SLC24A4: variants seen among roughly 807,000 people sequenced by gnomAD.
SLC24A4 encodes solute carrier family 24 member 4, also known as sodium/potassium/calcium exchanger 4.
A neutral mutation model predicts 79.0 loss-of-function variants in SLC24A4; 53 were observed. The ratio of observed to expected loss-of-function variants is 0.67; its 90% CI spans 0.54 to 0.84. SLC24A4 has a LOEUF of 0.84. Among genes scored for constraint, SLC24A4 ranks in the 40% least tolerant of loss-of-function variants. The pLI is 0.00. For missense variants in SLC24A4, 731 were observed against 822.0 expected (o/e 0.89, Z 1.35); for synonymous variants, 323 against 323.8 (o/e 1.00, Z 0.03).
chr14:92,460,827 A>G lies in SLC24A4; in HGVS notation c.1255+4219A>G, dbSNP rs1893756718. ...GCTCCCTCCTCGCTGACCCCAGATGACGGGTCGCTGGGATTGCCGGGGTGG... is the reference window on the plus strand; with the variant it reads ...GCTCCCTCCTCGCTGACCCCAGATGGCGGGTCGCTGGGATTGCCGGGGTGG... On this transcript the variant is annotated intron_variant, in intron 12 of 16. Transcript: ENST00000532405. Among the ~76,000 whole-genome samples, 5 of 152,200 alleles carry G rather than the reference A, an allele frequency of 3.3e-5. No homozygotes were observed. The South Asian group carries it at 1.0e-3, about 31-fold the overall frequency.
intron 2 of SLC24A4, among the ~76,000 whole-genome samples, chr14:92,396,022 C>T (rs1889753457): frequency 6.6e-6 from 1 of 152,146 alleles, no homozygotes; most frequent in South Asian, 2.1e-4. Context: ...AACAGGGTTT[C>T]ACCCTGTTGG....
intron 2 of SLC24A4, among the ~76,000 whole-genome samples, chr14:92,426,674 T>C (rs916463440): frequency 1.3e-5 from 2 of 152,176 alleles, no homozygotes; most frequent in East Asian, 3.8e-4. Flanking sequence ...ACAAGGGTGA[T>C]GGTAGAAAAT....
chr14:92,421,334 C>T (rs1891268435), intron 2 of SLC24A4, among the ~76,000 whole-genome samples: 1 of 152,106 alleles, frequency 6.6e-6, no homozygotes, highest in Non-Finnish European at 1.5e-5. Flanking sequence ...AGATCTAGGG[C>T]ATTTTCATCA....
rs75168849 is a variant in SLC24A4 at position 92,329,942 on chromosome 14, C to G, written c.241+3964C>G. Among the ~76,000 whole-genome samples the G allele has an allele frequency of 5.1e-3, 781 of 152,354 alleles. 40 individuals are homozygous for G. In the East Asian group the frequency reaches 0.087, roughly 17 times the overall value. ...AATCCTGGCTGCATATTAAGATCAC[C>G]TCAAGAGCTTTATAGGAATCTTTTG... On this transcript the variant is annotated intron_variant, in intron 2 of 16. Transcript: ENST00000532405.
chr14:92,323,660 A>G lies in SLC24A4; in HGVS notation c.-171A>G. 1 of 773,568 alleles carries G rather than the reference A, an allele frequency of 1.3e-6. No individual in the cohort carries two copies. Among genetic ancestry groups the G allele is most frequent in the Non-Finnish European group, 1.9e-6 (1 of 525,674 alleles). 47.9% of individuals were successfully genotyped at this position (773,568 alleles called of 1,614,324 possible). The stretch of plus-strand genomic sequence containing the variant: ...CCGCGTCGCGCGTCCCCACCTTCCC[A>G]AGGGGCTCCCCCGCCGACCTCGCCC... On this transcript the variant is annotated 5_prime_UTR_variant, in exon 1 of 17. Transcript: ENST00000532405. The surrounding 1 kb of genome is among the most constrained non-coding windows in gnomAD (Gnocchi z 4.9).
At chr14:92,377,714 T>A (rs1888597830) in intron 2 of SLC24A4, among the ~76,000 whole-genome samples, 1 of 151,644 alleles carries the variant, frequency 6.6e-6, no homozygotes, top group East Asian at 1.9e-4. Context: ...GGAAGACGGA[T>A]CTGAATGTGC....
intron 2 of SLC24A4, among the ~76,000 whole-genome samples, chr14:92,372,462 G>T (rs1233314180): frequency 6.6e-6 from 1 of 152,136 alleles, no homozygotes; most frequent in African/African-American, 2.4e-5. Context: ...GGGTGTGGTG[G>T]GTGTGTGCTC....
At position 92,449,218 on chromosome 14, in the gene SLC24A4, T is replaced by C; in HGVS notation, c.880+2T>C. 1 of 1,613,464 alleles carries C rather than the reference T, an allele frequency of 6.2e-7. No homozygotes were observed. The highest frequency in any genetic ancestry group is 1.3e-5 in the African/African-American group (1 of 74,820). Reference sequence around the variant, plus strand: ...CTTCCGTGCCATTGCTGGGGCAAGGTAAGGCTGAGCAGACAGGAGTGGGCA... The same window carrying C: ...CTTCCGTGCCATTGCTGGGGCAAGGCAAGGCTGAGCAGACAGGAGTGGGCA... On this transcript the variant is annotated splice_donor_variant, in intron 10 of 16. Transcript: ENST00000532405. LOFTEE classifies it high-confidence loss of function.
In SLC24A4 at chr14:92,490,291, G is replaced by C. The variant is rs974160278; in HGVS notation, c.1538-1374G>C. Among the ~76,000 whole-genome samples, 1 of 152,208 alleles carries C rather than the reference G, an allele frequency of 6.6e-6. No individual in the cohort carries two copies. Among genetic ancestry groups the C allele is most frequent in the South Asian group, 2.1e-4 (1 of 4,832 alleles). The stretch of plus-strand genomic sequence containing the variant: ...TGTGGAAGTATGGCTCAGTGGCCGG[G>C]TTAGGGCAGATTCCAGCCAGTACGA... On this transcript the variant is annotated intron_variant, in intron 14 of 16. Transcript: ENST00000532405. The surrounding 1 kb of genome is among the most constrained non-coding windows in gnomAD (Gnocchi z 4.3).
At position 92,438,643 on chromosome 14, in the gene SLC24A4, G is replaced by A. The variant is rs1392859381; in HGVS notation, c.319-692G>A. On this transcript the variant is annotated intron_variant, in intron 3 of 16. Coordinates refer to ENST00000532405, the MANE Select transcript of SLC24A4 (RefSeq NM_153646.4). ...AAACAAAAAAGGATACAGATGAAGG[G>A]ATGTGTAGGGCGAGGTATCGGGGGA... 2.6e-5 allele frequency among the ~76,000 whole-genome samples: 4 copies of A among 152,238 alleles called. No individual in the cohort carries two copies. The East Asian group carries it at 5.8e-4, about 22-fold the overall frequency.
rs192034917 is a variant in SLC24A4 at position 92,328,757 on chromosome 14, A to C, written c.241+2779A>C. Reference sequence around the variant, plus strand: ...CTGGGTTGGCTTGGGCCGCATGACCACCCTTGCAGATTGATCTGGCCAAGG... The same window carrying C: ...CTGGGTTGGCTTGGGCCGCATGACCCCCCTTGCAGATTGATCTGGCCAAGG... On this transcript the variant is annotated intron_variant, in intron 2 of 16. Coordinates refer to ENST00000532405, the MANE Select transcript of SLC24A4 (RefSeq NM_153646.4). 7.9e-5 allele frequency among the ~76,000 whole-genome samples: 12 copies of C among 152,314 alleles called. No individual in the cohort carries two copies. In the East Asian group the frequency reaches 2.3e-3, roughly 29 times the overall value.
chr14:92,445,286 C>G, intron 7 of SLC24A4, 31 bp from the exon 8 acceptor site: 1 of 1,613,714 alleles, frequency 6.2e-7, no homozygotes, highest in Non-Finnish European at 8.5e-7. Context: ...TATGTCCCAC[C>G]CACCTCAACT....
chr14:92,407,729 G>A (rs973401069), intron 2 of SLC24A4, among the ~76,000 whole-genome samples: 1 of 150,810 alleles, frequency 6.6e-6, no homozygotes, highest in Non-Finnish European at 1.5e-5. Flanking sequence ...CAGCAAGGGG[G>A]AAATCTGCCC....
rs10146556 is a variant in SLC24A4, at chr14:92,323,205, C to T, written c.-626C>T. The stretch of plus-strand genomic sequence containing the variant: ...CAGCCGAGAAGCCAGAGAGAAAGTT[C>T]CCGGGGAGAGCTCGCCCCTGGGAGG... On this transcript the variant is annotated 5_prime_UTR_variant, in exon 1 of 17. Coordinates refer to ENST00000532405, the MANE Select transcript of SLC24A4 (RefSeq NM_153646.4). The surrounding 1 kb of genome is among the most constrained non-coding windows in gnomAD (Gnocchi z 4.9). 123,536 of 151,526 alleles carry T rather than the reference C, an allele frequency of 0.82. 52,171 individuals are homozygous for T. Among genetic ancestry groups the T allele is most frequent in the East Asian group, 0.95 (4,790 of 5,020 alleles). The allele number at this position is 151,526 out of a possible 1,614,324, so 9.4% of individuals were successfully genotyped here.
upstream of SLC24A4, among the ~76,000 whole-genome samples, chr14:92,322,892 C>T (rs1259970925): frequency 6.6e-6 from 1 of 152,022 alleles, no homozygotes; most frequent in East Asian, 1.9e-4. Flanking sequence ...TTCTAAGAGT[C>T]CCCAGCGGTG....
intron 12 of SLC24A4, among the ~76,000 whole-genome samples, chr14:92,466,553 A>G (rs545535888): frequency 6.6e-6 from 1 of 152,346 alleles, no homozygotes; most frequent in South Asian, 2.1e-4. Flanking sequence ...CAAAAAAATA[A>G]TAAAAATACC....
intron 2 of SLC24A4, among the ~76,000 whole-genome samples, chr14:92,327,673 T>A (rs1788601074): frequency 6.6e-6 from 1 of 152,186 alleles, no homozygotes; most frequent in South Asian, 2.1e-4. Context: ...ATAGCCTGAG[T>A]ATGTTGGCTT....
intron 2 of SLC24A4, among the ~76,000 whole-genome samples, chr14:92,352,031 T>C (rs1886925653): frequency 6.6e-6 from 1 of 152,042 alleles, no homozygotes; most frequent in South Asian, 2.1e-4. Context: ...TGGGAGCTGT[T>C]GGTAGTAAAC....
At chr14:92,399,863 T>C (rs1398989590) in intron 2 of SLC24A4, among the ~76,000 whole-genome samples, 1 of 152,074 alleles carries the variant, frequency 6.6e-6, no homozygotes, top group Admixed American at 6.5e-5. Flanking sequence ...AGGGTGGGGT[T>C]AGGGAGGAGT....
Sources: allele counts gnomAD v4.1 joint callset (sites outside exome capture counted in the v4.1 genomes callset), GRCh38; gene constraint gnomAD v4.1.1; non-coding constraint Gnocchi (gnomAD v3.1); transcripts MANE v1.5; gene names NCBI Gene and HGNC (gene_info 2026-07-23, HGNC 2026-07-21).